The following DNAJC3 variants were observed in gnomAD, a reference collection of about 807,000 sequenced individuals.
DNAJC3 encodes DnaJ heat shock protein family (Hsp40) member C3.
DNAJC3 carries 38 observed loss-of-function variants against 68.6 expected under a neutral mutation model. The observed-to-expected ratio is 0.55, with a 90% CI of 0.43 to 0.73. The LOEUF is 0.73. DNAJC3 is among the 30% of genes least tolerant of loss of function. DNAJC3 has a pLI of 0.00. For synonymous variants in DNAJC3, 203 were observed against 204.0 expected (o/e 1.00, Z 0.04); for missense variants, 526 against 591.9 (o/e 0.89, Z 1.16).
intron 4 of DNAJC3, among the ~76,000 whole-genome samples, chr13:95,738,160 T>G (rs1881996210): frequency 6.7e-6 from 1 of 148,898 alleles, no homozygotes; most frequent in Non-Finnish European, 1.5e-5. Context: ...TCCTGAGTTC[T>G]AGTTTGATTG....
chr13:95,787,571 A>G (rs1883640212), intron 11 of DNAJC3, among the ~76,000 whole-genome samples: 1 of 152,196 alleles, frequency 6.6e-6, no homozygotes, highest in Non-Finnish European at 1.5e-5. Flanking sequence ...GAGTGGGAGA[A>G]GAACAGCTGT....
chr13:95,699,044 A>G (rs1039770466), intron 1 of DNAJC3, among the ~76,000 whole-genome samples: 23 of 152,326 alleles, frequency 1.5e-4, no homozygotes, highest in Middle Eastern at 3.4e-3. Flanking sequence ...GGAAGGTAAG[A>G]TGAGAGCTGG....
chr13:95,713,842 G>A (rs1254504810), intron 2 of DNAJC3, among the ~76,000 whole-genome samples: 1 of 152,184 alleles, frequency 6.6e-6, no homozygotes, highest in Non-Finnish European at 1.5e-5. Context: ...TTGCCATTTA[G>A]AGTTTTCAGG....
intron 4 of DNAJC3, among the ~76,000 whole-genome samples, chr13:95,740,274 GC>G (rs1882085761): frequency 6.6e-6 from 1 of 152,242 alleles, no homozygotes; most frequent in Admixed American, 6.5e-5. Flanking sequence ...GTTTGTCTGT[GC>G]CCTGCTCCCA....
At chr13:95,787,473 C>T (rs2139699087) in intron 11 of DNAJC3, among the ~76,000 whole-genome samples, 2 of 152,276 alleles carry the variant, frequency 1.3e-5, no homozygotes, top group South Asian at 4.2e-4. Context: ...CTCAGGTTCC[C>T]TCTAACCTCA....
At chr13:95,763,223 G>A (rs540833178) in intron 7 of DNAJC3, among the ~76,000 whole-genome samples, 2 of 152,258 alleles carry the variant, frequency 1.3e-5, no homozygotes, top group East Asian at 1.9e-4. Context: ...AAAATGGCAC[G>A]TAATGGGTTC....
chr13:95,711,369 C>A (rs1880956178), intron 2 of DNAJC3, among the ~76,000 whole-genome samples: 1 of 151,924 alleles, frequency 6.6e-6, no homozygotes, highest in African/African-American at 2.4e-5. Context: ...TGGTGGTGGC[C>A]ACCTATAATC....
At chr13:95,779,995 C>A (rs1566514603) in intron 9 of DNAJC3, among the ~76,000 whole-genome samples, 1 of 152,162 alleles carries the variant, frequency 6.6e-6, no homozygotes, top group Admixed American at 6.5e-5. Flanking sequence ...GGCTAGTCCT[C>A]TGGATGTCAG....
intron 4 of DNAJC3, among the ~76,000 whole-genome samples, chr13:95,728,006 A>G (rs573659495): frequency 2.0e-5 from 3 of 152,352 alleles, no homozygotes; most frequent in South Asian, 2.1e-4. Context: ...ATCAAATGTT[A>G]TACAAAAATC....
chr13:95,733,703 C>CTTTTTTTTTTTTTT (rs146677839), intron 4 of DNAJC3, among the ~76,000 whole-genome samples: 7 of 102,964 alleles, frequency 6.8e-5, no homozygotes, highest in Non-Finnish European at 1.2e-4. Flanking sequence ...CCTGGCCTGT[C>CTTTTTTTTTTTTTT]TTTTTTTTTT....
intron 7 of DNAJC3, 43 bp from the exon 8 acceptor site, chr13:95,763,600 A>G: frequency 1.3e-6 from 2 of 1,587,776 alleles, no homozygotes; most frequent in Non-Finnish European, 1.7e-6. Flanking sequence ...AGCTCTGGAA[A>G]TCAAATGTCA....
intron 9 of DNAJC3, among the ~76,000 whole-genome samples, chr13:95,773,388 C>T (rs1407178977): frequency 2.6e-5 from 4 of 151,924 alleles, no homozygotes; most frequent in African/African-American, 7.3e-5. Context: ...CCAGGCTAGT[C>T]TCAAACTCCT....
chr13:95,787,167 T>C lies in DNAJC3; in HGVS notation c.1357+12T>C, dbSNP rs1198389455. The C allele has an allele frequency of 6.2e-7, 1 of 1,606,734 alleles. No individual in the cohort carries two copies. The highest frequency in any genetic ancestry group is 8.5e-7 in the Non-Finnish European group (1 of 1,177,978). On this transcript the variant is annotated intron_variant, in intron 11 of 11. Transcript: ENST00000602402. ...CCTCTCTGATCCAGGTATTATTAGC[T>C]TTTATTCCTTTGACTCATCCTAGAG...
chr13:95,734,027 C>T (rs1881804793), intron 4 of DNAJC3, among the ~76,000 whole-genome samples: 1 of 151,958 alleles, frequency 6.6e-6, no homozygotes, highest in South Asian at 2.1e-4. Flanking sequence ...TTTTGTATAT[C>T]CTTTGTTCCT....
At chr13:95,765,772 A>G (rs572077136) in intron 9 of DNAJC3, among the ~76,000 whole-genome samples, 3 of 152,060 alleles carry the variant, frequency 2.0e-5, no homozygotes, top group African/African-American at 7.2e-5. Flanking sequence ...GGGTTTCACC[A>G]TGTTGGCCAG....
chr13:95,686,241 G>A (rs372583578), intron 1 of DNAJC3, among the ~76,000 whole-genome samples: 18 of 152,218 alleles, frequency 1.2e-4, no homozygotes, highest in Admixed American at 2.0e-4. Context: ...GATTACAGGC[G>A]TGAGCCAGTG....
At position 95,790,897 on chromosome 13, in the gene DNAJC3, G is replaced by C; in HGVS notation, c.1382G>C (p.Gly461Ala). ...DPEMRKKFDD[G>A]EDPLDAESQQ... is the part of the protein sequence containing the mutation. ...GAAATGAGAAAGAAGTTTGACGACG[G>C]AGAAGATCCTTTGGATGCAGAGAGC... The change falls in exon 12 of 12, where the codon GGA (glycine) becomes GCA (alanine). Residue 461 changes from glycine to alanine, a missense_variant. Coordinates refer to ENST00000602402, the MANE Select transcript of DNAJC3 (RefSeq NM_006260.5). 6.2e-7 allele frequency: 1 copy of C among 1,607,722 alleles called. No homozygotes were observed.
At chr13:95,782,606 T>G (rs992404648) in intron 9 of DNAJC3, among the ~76,000 whole-genome samples, 3 of 152,242 alleles carry the variant, frequency 2.0e-5, no homozygotes, top group South Asian at 2.1e-4. Context: ...TGTCTTCTTT[T>G]GAGAAGTGTC....
At chr13:95,689,203 T>C (rs930797730) in intron 1 of DNAJC3, among the ~76,000 whole-genome samples, 2 of 151,610 alleles carry the variant, frequency 1.3e-5, no homozygotes, top group African/African-American at 4.8e-5. Flanking sequence ...CTGGTAAAAA[T>C]TGGCTGTAAA....
Sources: allele counts gnomAD v4.1 joint callset (sites outside exome capture counted in the v4.1 genomes callset), GRCh38; gene constraint gnomAD v4.1.1; transcripts MANE v1.5; gene names NCBI Gene and HGNC (gene_info 2026-07-23, HGNC 2026-07-21).